IDNK: variants seen among roughly 807,000 people sequenced by gnomAD.
IDNK encodes the protein gluconokinase.
Under a neutral mutation model 13.0 loss-of-function variants are expected in IDNK, and 9 were observed. The observed-to-expected ratio is 0.69, with a 90% CI of 0.42 to 1.21. The LOEUF (loss-of-function observed/expected upper bound fraction) is 1.21. Among genes scored for constraint, IDNK ranks in the 50% most tolerant of loss-of-function variants. The probability of loss-of-function intolerance (pLI) is 0.00; values close to 1 mark genes in which losing one functional copy is unlikely to be tolerated. For missense variants in IDNK, 210 were observed against 237.8 expected, an observed-to-expected ratio of 0.88 and a Z score of 0.77; for synonymous variants, 92 against 94.9, an observed-to-expected ratio of 0.97 and a Z score of 0.18.
At chr9:83,635,856 G>T (rs1050535020) in intron 3 of IDNK, among the ~76,000 whole-genome samples, 1 of 152,122 alleles carries the variant, frequency 6.6e-6, no homozygotes. Context: ...CATACTCTGG[G>T]GTTAGAAATC....
intron 1 of IDNK, among the ~76,000 whole-genome samples, chr9:83,624,319 G>C (rs1830785901): frequency 6.6e-6 from 1 of 152,284 alleles, no homozygotes; most frequent in Admixed American, 6.5e-5. Context: ...CCCCCTCTGA[G>C]TCTTGAATCA....
At chr9:83,639,009 A>G (rs1035629355) in intron 3 of IDNK, among the ~76,000 whole-genome samples, 1 of 152,196 alleles carries the variant, frequency 6.6e-6, no homozygotes, top group Non-Finnish European at 1.5e-5. Flanking sequence ...TTTTAAGTAC[A>G]TGTGGGACAT....
chr9:83,642,495 A>G (rs183283730), intron 4 of IDNK, among the ~76,000 whole-genome samples: 24 of 151,302 alleles, frequency 1.6e-4, no homozygotes, highest in Non-Finnish European at 3.1e-4. Context: ...TTACAGTACT[A>G]TCATTTCATA....
At chr9:83,639,668 CTG>C (rs1175651220) in intron 3 of IDNK, among the ~76,000 whole-genome samples, 3 of 152,136 alleles carry the variant, frequency 2.0e-5, no homozygotes, top group East Asian at 3.9e-4. Flanking sequence ...AATATCAAGA[CTG>C]GGGAAAATGG....
At chr9:83,632,882 A>G (rs1325854066) in intron 3 of IDNK, among the ~76,000 whole-genome samples, 1 of 152,128 alleles carries the variant, frequency 6.6e-6, no homozygotes, top group Admixed American at 6.5e-5. Context: ...CTGTAGAGAG[A>G]TCTCAATTCC....
At position 83,628,173 on chromosome 9, in the gene IDNK, C is replaced by A; in HGVS notation, c.51-8C>A. ...GCAGTAACGGGAACATCTGTGTCCT[C>A]TCCACAGATCCACCGTGGGCGCCCT... On this transcript the variant is annotated splice_region_variant and splice_polypyrimidine_tract_variant and intron_variant, in intron 1 of 4. Coordinates refer to ENST00000376419, the MANE Select transcript of IDNK (RefSeq NM_001001551.4). The A allele has an allele frequency of 6.4e-7, 1 of 1,550,554 alleles. No homozygotes were observed. The highest frequency in any genetic ancestry group is 1.2e-5 in the South Asian group (1 of 84,060).
At chr9:83,628,363 T>C (rs1033055935) in intron 2 of IDNK, among the ~76,000 whole-genome samples, 152 bp downstream of exon 2, 3 of 152,158 alleles carry the variant, frequency 2.0e-5, no homozygotes, top group Admixed American at 1.3e-4. Flanking sequence ...TGATTACAAA[T>C]AGTGATGAAT....
At chr9:83,624,184 T>C (rs1830782204) in intron 1 of IDNK, among the ~76,000 whole-genome samples, 1 of 152,218 alleles carries the variant, frequency 6.6e-6, no homozygotes, top group African/African-American at 2.4e-5. Context: ...AATCCCTAGC[T>C]GCCATATGAT....
intron 1 of IDNK, among the ~76,000 whole-genome samples, chr9:83,623,970 C>G (rs1301985019): frequency 6.6e-6 from 1 of 152,186 alleles, no homozygotes; most frequent in African/African-American, 2.4e-5. Flanking sequence ...TCAGCTAAAA[C>G]ATCATAACCT....
At chr9:83,642,959 G>A (rs1291299338) in intron 4 of IDNK, among the ~76,000 whole-genome samples, 1 of 152,154 alleles carries the variant, frequency 6.6e-6, no homozygotes, top group Non-Finnish European at 1.5e-5. Context: ...AGTAGGAATG[G>A]GGAGAATCCA....
Position 83,633,163 on chromosome 9 carries a change from T to C in IDNK, c.168+4204T>C, listed in dbSNP as rs990475561. ...GACCATCCTGGCTAACACGGTGAAATCCCGTCTCTACTAAAAATACACAAA... is the reference window on the plus strand; with the variant it reads ...GACCATCCTGGCTAACACGGTGAAACCCCGTCTCTACTAAAAATACACAAA... On this transcript the variant is annotated intron_variant, in intron 3 of 4. Coordinates refer to ENST00000376419, the MANE Select transcript of IDNK (RefSeq NM_001001551.4). Among the ~76,000 whole-genome samples, 7 of 151,750 alleles carry C rather than the reference T, an allele frequency of 4.6e-5. No individual in the cohort carries two copies. In the South Asian group the frequency reaches 8.3e-4, roughly 18 times the overall value.
intron 1 of IDNK, chr9:83,627,097 AAC>A (rs1466277316): frequency 6.6e-6 from 1 of 151,596 alleles, no homozygotes; most frequent in Middle Eastern, 3.2e-3. Context: ...TTCCTTCTTT[AAC>A]ACACTTATTT....
chr9:83,643,970 T>C lies in IDNK; in HGVS notation c.*190T>C. The C allele has an allele frequency of 1.9e-6, 1 of 529,860 alleles. No homozygotes were observed. The highest frequency in any genetic ancestry group is 3.3e-6 in the Non-Finnish European group (1 of 299,276). The allele number at this position is 529,860 out of a possible 1,614,324, so 32.8% of individuals were successfully genotyped here. On this transcript the variant is annotated 3_prime_UTR_variant, in exon 5 of 5. Coordinates refer to ENST00000376419, the MANE Select transcript of IDNK (RefSeq NM_001001551.4). ...GGTTCATCAGGAAGCAGAGGGGGAGTTTTAAAAGTCAAGCTTAAATTGAAG... is the reference window on the plus strand; with the variant it reads ...GGTTCATCAGGAAGCAGAGGGGGAGCTTTAAAAGTCAAGCTTAAATTGAAG...
chr9:83,643,821 A>T lies in IDNK; in HGVS notation c.*41A>T. On this transcript the variant is annotated 3_prime_UTR_variant, in exon 5 of 5. Coordinates refer to ENST00000376419, the MANE Select transcript of IDNK (RefSeq NM_001001551.4). Reference sequence around the variant, plus strand: ...AGTGGTCCAAACAGAACTAAGCATAAATCATTGTGCCATCCCAAACCTCGT... The same window carrying T: ...AGTGGTCCAAACAGAACTAAGCATATATCATTGTGCCATCCCAAACCTCGT... 1 of 1,465,104 alleles carries T rather than the reference A, an allele frequency of 6.8e-7. No individual in the cohort carries two copies. The highest frequency in any genetic ancestry group is 9.4e-7 in the Non-Finnish European group (1 of 1,064,666). 90.8% of individuals were successfully genotyped at this position (1,465,104 alleles called of 1,614,324 possible).
At chr9:83,643,307 A>AT in intron 4 of IDNK, 122 bp from the exon 5 acceptor site, 1 of 734,198 alleles carries the variant, frequency 1.4e-6, no homozygotes, top group Non-Finnish European at 2.2e-6. Context: ...CTTAAACACC[A>AT]TTTTCTAATG....
chr9:83,643,477 G>A lies in IDNK; in HGVS notation c.261G>A (p.Lys87=), dbSNP rs1587625521. The A allele has an allele frequency of 6.2e-7, 1 of 1,613,744 alleles. No individual in the cohort carries two copies. Among genetic ancestry groups the A allele is most frequent in the East Asian group, 2.2e-5 (1 of 44,862 alleles). Residue 87 remains lysine, a synonymous_variant, in exon 5 of 5, where the codon AAG becomes AAA. Coordinates refer to ENST00000376419, the MANE Select transcript of IDNK (RefSeq NM_001001551.4). ...QRVVLACSAL[K]KTYRDILTQG... ...TGGTTCTAGCCTGTTCAGCCCTGAA[G>A]AAAACGTACAGAGACATATTAACAC...
rs748048969 is a variant in IDNK at position 83,641,552 on chromosome 9, G to A, written c.173G>A (p.Arg58Gln). The A allele has an allele frequency of 1.1e-5, 17 of 1,613,804 alleles. No homozygotes were observed. The highest frequency in any genetic ancestry group is 1.0e-4 in the Admixed American group (6 of 60,006). ...TTTTGTTTTTGTTTTTTTCAGGACC[G>A]GATTCCATGGCTCTGTAACTTGCAT... ...GKGIPLNDQDRIPWLCNLHDI... is the reference protein window; with the variant it reads ...GKGIPLNDQDQIPWLCNLHDI... Residue 58 changes from arginine (R) to glutamine (Q), a missense_variant, in exon 4 of 5, where the codon CGG (arginine) becomes CAG (glutamine). Coordinates refer to ENST00000376419, the MANE Select transcript of IDNK (RefSeq NM_001001551.4).
intron 2 of IDNK, 119 bp downstream of exon 2, chr9:83,628,330 A>T: frequency 2.2e-6 from 2 of 909,042 alleles, no homozygotes; most frequent in Non-Finnish European, 3.5e-6. Flanking sequence ...ACCCCACTGG[A>T]GCAATTTTGT....
chr9:83,639,146 C>G (rs151203611), intron 3 of IDNK, among the ~76,000 whole-genome samples: 1 of 151,914 alleles, frequency 6.6e-6, no homozygotes, highest in Admixed American at 6.6e-5. Context: ...ACACACATCA[C>G]CAAAATGGTT....
Sources: gnomAD v4.1 joint callset for allele counts (sites outside exome capture counted in the v4.1 genomes callset) on GRCh38, gnomAD v4.1.1 for gene constraint, MANE v1.5 for transcripts, NCBI Gene and HGNC (gene_info 2026-07-23, HGNC 2026-07-21) for gene names.